CHIC2: variants seen among roughly 807,000 people sequenced by gnomAD.
CHIC2 encodes cysteine rich hydrophobic domain 2.
A neutral mutation model predicts 25.9 loss-of-function variants in CHIC2; 14 were observed. The observed-to-expected ratio is 0.54, with a 90% CI of 0.36 to 0.85. CHIC2 has a LOEUF of 0.85. CHIC2 is among the 40% of genes least tolerant of loss of function. CHIC2 has a pLI of 0.01. For missense variants in CHIC2, 146 were observed against 202.0 expected (o/e 0.72, Z 1.68); for synonymous variants, 70 against 72.0 (o/e 0.97, Z 0.14).
At chr4:54,062,969 A>C (rs142627473) in intron 1 of CHIC2, among the ~76,000 whole-genome samples, 2 of 152,228 alleles carry the variant, frequency 1.3e-5, no homozygotes, top group African/African-American at 4.8e-5. Flanking sequence ...GCAATTATGC[A>C]GTGTTTTTAC....
chr4:54,067,861 T>G (rs1362267118), upstream of CHIC2, among the ~76,000 whole-genome samples: 2 of 152,058 alleles, frequency 1.3e-5, no homozygotes, highest in Non-Finnish European at 2.9e-5. Context: ...ATGGAAACTA[T>G]GTCATGGGGT....
chr4:54,047,241 C>T (rs1310339511), intron 3 of CHIC2, among the ~76,000 whole-genome samples: 11 of 152,122 alleles, frequency 7.2e-5, no homozygotes, highest in African/African-American at 1.4e-4. Context: ...GTCAGTGTGG[C>T]GATTCCTCAG....
rs532516239 is a variant in CHIC2 at position 54,064,030 on chromosome 4, A to G, written c.119+152T>C. Reference sequence around the variant, plus strand: ...CCGTCCCCACTTCGGAGACCCAAACAAATGAAAATAAGCCAAGTTCTCACT... The same window carrying G: ...CCGTCCCCACTTCGGAGACCCAAACGAATGAAAATAAGCCAAGTTCTCACT... On this transcript the variant is annotated intron_variant, in intron 1 of 5. Coordinates refer to ENST00000263921, the MANE Select transcript of CHIC2 (RefSeq NM_012110.4). This position sits in a 1 kb window ranked among gnomAD's most constrained non-coding sequence, Gnocchi z 4.2. 3 of 657,862 alleles carry G rather than the reference A, an allele frequency of 4.6e-6. No individual in the cohort carries two copies. The South Asian group carries it at 5.6e-5, about 12-fold the overall frequency. The allele number at this position is 657,862 out of a possible 1,614,324, so 40.8% of individuals were successfully genotyped here. A position where few individuals can be genotyped will look rare whatever the true frequency, so the allele number is the denominator to read the frequency against.
intron 3 of CHIC2, among the ~76,000 whole-genome samples, chr4:54,015,217 C>T (rs951400411): frequency 2.6e-5 from 4 of 152,086 alleles, no homozygotes; most frequent in Admixed American, 6.6e-5. Flanking sequence ...CAATGAATTA[C>T]GACTACTGCC....
At chr4:54,042,700 A>G (rs1342567575) in intron 3 of CHIC2, among the ~76,000 whole-genome samples, 1 of 152,168 alleles carries the variant, frequency 6.6e-6, no homozygotes, top group African/African-American at 2.4e-5. Flanking sequence ...GACAAAATCA[A>G]CTGTGGATCC....
chr4:54,077,484 A>G, the CHIC2 span, among the ~76,000 whole-genome samples: 1 of 152,232 alleles, frequency 6.6e-6, no homozygotes, highest in Non-Finnish European at 1.5e-5. Context: ...TGGCAATTTA[A>G]GAGTTCAATG....
intron 3 of CHIC2, among the ~76,000 whole-genome samples, chr4:54,048,114 G>C (rs1716892910): frequency 6.6e-6 from 1 of 151,996 alleles, no homozygotes; most frequent in African/African-American, 2.4e-5. Flanking sequence ...TCAGCCTCCT[G>C]ACTAACTGGG....
intron 3 of CHIC2, among the ~76,000 whole-genome samples, chr4:54,021,487 C>T (rs1413281300): frequency 1.3e-5 from 2 of 152,104 alleles, no homozygotes; most frequent in Non-Finnish European, 2.9e-5. Context: ...CCCAATTCTT[C>T]CTCAGCCTCT....
the CHIC2 span, among the ~76,000 whole-genome samples, chr4:54,072,440 A>T: frequency 6.6e-6 from 1 of 152,268 alleles, no homozygotes; most frequent in African/African-American, 2.4e-5. Flanking sequence ...TCATAAAACC[A>T]GAATGAACCC....
intron 4 of CHIC2, 33 bp downstream of exon 4, chr4:54,014,030 C>T (rs963973734): frequency 2.5e-6 from 4 of 1,609,344 alleles, no homozygotes; most frequent in Non-Finnish European, 3.4e-6. Flanking sequence ...ATTCAGACCC[C>T]AACAGTACGA....
the CHIC2 span, among the ~76,000 whole-genome samples, chr4:54,091,081 G>GA: frequency 6.6e-6 from 1 of 152,076 alleles, no homozygotes; most frequent in Non-Finnish European, 1.5e-5. Flanking sequence ...ACATAAAGAT[G>GA]ATCCACAGGT....
the CHIC2 span, among the ~76,000 whole-genome samples, chr4:54,080,465 T>C: frequency 1.3e-5 from 2 of 151,826 alleles, no homozygotes; most frequent in Admixed American, 6.6e-5. Flanking sequence ...GTTGAAAGAT[T>C]AAAGAGCACT....
the CHIC2 span, among the ~76,000 whole-genome samples, chr4:54,086,125 T>C: frequency 6.6e-6 from 1 of 151,986 alleles, no homozygotes; most frequent in Non-Finnish European, 1.5e-5. Flanking sequence ...GAGCATCTCC[T>C]CTGCCAGGTT....
At chr4:54,030,021 G>A (rs960819800) in intron 3 of CHIC2, among the ~76,000 whole-genome samples, 5 of 151,938 alleles carry the variant, frequency 3.3e-5, no homozygotes, top group African/African-American at 1.2e-4. Context: ...TGAGAGCAAA[G>A]ATATTCAGAA....
At chr4:54,091,635 A>G in the CHIC2 span, among the ~76,000 whole-genome samples, 1 of 152,176 alleles carries the variant, frequency 6.6e-6, no homozygotes, top group Non-Finnish European at 1.5e-5. Flanking sequence ...AATCACCACT[A>G]AAGAACCTAT....
chr4:54,070,539 C>T, the CHIC2 span, among the ~76,000 whole-genome samples: 3 of 152,266 alleles, frequency 2.0e-5, no homozygotes, highest in South Asian at 2.1e-4. Flanking sequence ...TCTCCTGCCT[C>T]AGCCTCCTGA....
chr4:54,036,498 C>T (rs900462669), intron 3 of CHIC2, among the ~76,000 whole-genome samples: 7 of 152,096 alleles, frequency 4.6e-5, no homozygotes, highest in African/African-American at 9.7e-5. Flanking sequence ...GTGCCACACA[C>T]TTTTAAAAAA....
intron 3 of CHIC2, among the ~76,000 whole-genome samples, chr4:54,021,907 G>A (rs536470697): frequency 8.6e-4 from 131 of 152,086 alleles, no homozygotes; most frequent in African/African-American, 3.0e-3. Context: ...CGCCTTCAAG[G>A]TGTACAATAA....
chr4:54,064,633 G>C (rs974572836), upstream of CHIC2: 16 of 1,083,856 alleles, frequency 1.5e-5, no homozygotes, highest in Non-Finnish European at 1.8e-5. This position sits in a 1 kb window ranked among gnomAD's most constrained non-coding sequence, Gnocchi z 4.2. Context: ...CACCCGCAGC[G>C]GGAGCAGCCG....
Sources: allele counts gnomAD v4.1 joint callset (sites outside exome capture counted in the v4.1 genomes callset), GRCh38; gene constraint gnomAD v4.1.1; non-coding constraint Gnocchi (gnomAD v3.1); transcripts MANE v1.5; gene names NCBI Gene and HGNC (gene_info 2026-07-23, HGNC 2026-07-21).